DLGAP2: variants seen among roughly 807,000 people sequenced by gnomAD.
DLGAP2 encodes the protein disks large-associated protein 2.
A neutral mutation model predicts 100.3 loss-of-function variants in DLGAP2; 26 were observed. That is an observed-to-expected ratio of 0.26 (90% confidence interval 0.19 to 0.36). The LOEUF (loss-of-function observed/expected upper bound fraction) is 0.36, where lower values mean the gene tolerates loss of function less well. DLGAP2 is among the 10% of genes least tolerant of loss of function. The probability of loss-of-function intolerance (pLI) is 1.00; values close to 1 mark genes in which losing one functional copy is unlikely to be tolerated. For missense variants in DLGAP2, 1,858 were observed against 1,453.2 expected, an observed-to-expected ratio of 1.28 and a Z score of -4.53; for synonymous variants, 886 against 630.1, an observed-to-expected ratio of 1.41 and a Z score of -6.08.
intron 3 of DLGAP2, among the ~76,000 whole-genome samples, chr8:1,349,696 A>G (rs1801662531): frequency 3.4e-5 from 5 of 145,210 alleles, no homozygotes. Context: ...TCCTGCCCAC[A>G]TCCACGCATG....
chr8:781,998 G>T (rs987137045), intron 1 of DLGAP2, among the ~76,000 whole-genome samples: 2 of 152,108 alleles, frequency 1.3e-5, no homozygotes, highest in Non-Finnish European at 2.9e-5. Context: ...AGAAAACCTG[G>T]TGTTCAATCA....
At chr8:1,293,561 G>A (rs933178449) in intron 3 of DLGAP2, among the ~76,000 whole-genome samples, 2 of 152,026 alleles carry the variant, frequency 1.3e-5, no homozygotes, top group Non-Finnish European at 2.9e-5. Flanking sequence ...AATAACCTAC[G>A]TATTTCTTCA....
intron 6 of DLGAP2, among the ~76,000 whole-genome samples, chr8:1,607,732 C>T (rs1043782623): frequency 8.3e-3 from 1,124 of 134,978 alleles, no homozygotes; most frequent in Non-Finnish European, 9.1e-3. Context: ...ACCTGGGAAG[C>T]GCAAGGGGTC....
rs554002204 is a variant in DLGAP2 at position 865,507 on chromosome 8, G to T, written c.19-42405G>T. 3.6e-4 allele frequency among the ~76,000 whole-genome samples: 55 copies of T among 152,286 alleles called. 1 individual carries two copies. The South Asian group carries it at 0.011, about 30-fold the overall frequency. ...AGATTCTGTGATGTTCCCCGGGGCT[G>T]AGTTTACTTTGTGAGCCATTGTGTG... On this transcript the variant is annotated intron_variant, in intron 1 of 14. Coordinates refer to ENST00000637795, the MANE Select transcript of DLGAP2 (RefSeq NM_001346810.2).
intron 2 of DLGAP2, among the ~76,000 whole-genome samples, chr8:1,110,431 G>T (rs1386307162): frequency 6.7e-6 from 1 of 150,104 alleles, no homozygotes; most frequent in Admixed American, 6.6e-5. Context: ...GGTGTGCATG[G>T]GTCTGTGACA....
At chr8:1,022,781 C>A (rs914647389) in intron 2 of DLGAP2, among the ~76,000 whole-genome samples, 1 of 151,760 alleles carries the variant, frequency 6.6e-6, no homozygotes, top group Non-Finnish European at 1.5e-5. Context: ...AGTCCCATGC[C>A]GAGGTAGACA....
chr8:1,515,541 G>T (rs919423191), intron 4 of DLGAP2, among the ~76,000 whole-genome samples: 1 of 151,880 alleles, frequency 6.6e-6, no homozygotes, highest in Non-Finnish European at 1.5e-5. Flanking sequence ...CACACATGCA[G>T]ATGCACACAA....
intron 2 of DLGAP2, among the ~76,000 whole-genome samples, chr8:1,206,002 A>G (rs1422051415): frequency 6.6e-6 from 1 of 152,160 alleles, no homozygotes; most frequent in Non-Finnish European, 1.5e-5. Flanking sequence ...AACAAAAGTG[A>G]AGAGTGACCT....
intron 2 of DLGAP2, among the ~76,000 whole-genome samples, chr8:1,184,582 T>A (rs979516096): frequency 3.3e-5 from 5 of 152,142 alleles, no homozygotes; most frequent in Non-Finnish European, 7.4e-5. Flanking sequence ...TCGACCTGCA[T>A]CTTAAACTAG....
intron 2 of DLGAP2, among the ~76,000 whole-genome samples, chr8:932,257 G>C (rs1163797177): frequency 2.0e-5 from 3 of 152,174 alleles, no homozygotes; most frequent in Non-Finnish European, 4.4e-5. Context: ...TTCTGAAATA[G>C]AAAAGGGTGA....
intron 3 of DLGAP2, among the ~76,000 whole-genome samples, chr8:1,419,441 CGTGTGT>C (rs71190735): frequency 0.032 from 1,678 of 52,906 alleles, 122 homozygotes; most frequent in African/African-American, 0.12. Flanking sequence ...CACTCTGATA[CGTGTGT>C]GTGTGTGTGT....
chr8:754,601 C>T (rs1209551123), intron 1 of DLGAP2, among the ~76,000 whole-genome samples: 10 of 152,168 alleles, frequency 6.6e-5, no homozygotes, highest in Non-Finnish European at 1.5e-5. Context: ...CACCTGCAAT[C>T]CCAGTGCTCT....
chr8:1,007,201 C>T (rs1030951733), intron 2 of DLGAP2, among the ~76,000 whole-genome samples: 45 of 152,266 alleles, frequency 3.0e-4, no homozygotes, highest in African/African-American at 9.6e-4. Context: ...ATGTCGGGGA[C>T]ACCGTGCATC....
Position 1,669,785 on chromosome 8 carries a change from G to GT in DLGAP2, c.2202+2dup. ...GCATCAGCCATACCCAAGGTCAGAT[G>GT]TAAGTACCGAAATGTGCTCCAAAGC... is the stretch of plus-strand genomic sequence containing the variant. On this transcript the variant is annotated splice_donor_variant, in intron 10 of 14. Transcript: ENST00000637795. LOFTEE classifies it high-confidence loss of function. The GT allele has an allele frequency of 1.3e-6, 1 of 780,926 alleles. No individual in the cohort carries two copies. 48.4% of individuals were successfully genotyped at this position (780,926 alleles called of 1,614,324 possible). A position where few individuals can be genotyped will look rare whatever the true frequency, so the allele number is the denominator to read the frequency against.
chr8:1,376,155 CAAAT>C (rs1311868066), intron 3 of DLGAP2, among the ~76,000 whole-genome samples: 5 of 151,566 alleles, frequency 3.3e-5, no homozygotes, highest in Middle Eastern at 3.2e-3. Context: ...GGCTGTTTCT[CAAAT>C]AAGACAAACA....
intron 1 of DLGAP2, among the ~76,000 whole-genome samples, chr8:802,461 T>TG (rs1214747387): frequency 1.3e-5 from 2 of 152,172 alleles, no homozygotes; most frequent in Admixed American, 6.5e-5. Context: ...GGTCCCGCAT[T>TG]GGGGTCGTGT....
At chr8:927,349 C>G in intron 2 of DLGAP2, 1 of 658,196 alleles carries the variant, frequency 1.5e-6, no homozygotes, top group Non-Finnish European at 1.9e-6. Flanking sequence ...ATGACCGTGA[C>G]TGTAGCACTT....
intron 3 of DLGAP2, among the ~76,000 whole-genome samples, chr8:1,432,257 C>A (rs928928229): frequency 1.3e-5 from 2 of 152,198 alleles, no homozygotes; most frequent in African/African-American, 2.4e-5. Flanking sequence ...TTTAAAAATT[C>A]TTTATTGATT....
At chr8:811,042 C>T (rs945179570) in intron 1 of DLGAP2, among the ~76,000 whole-genome samples, 1 of 152,214 alleles carries the variant, frequency 6.6e-6, no homozygotes, top group Non-Finnish European at 1.5e-5. Context: ...ATCTCCCGGA[C>T]TTTCCTCTTC....
Sources: gnomAD v4.1 joint callset for allele counts (sites outside exome capture counted in the v4.1 genomes callset) on GRCh38, gnomAD v4.1.1 for gene constraint, MANE v1.5 for transcripts, NCBI Gene and HGNC (gene_info 2026-07-23, HGNC 2026-07-21) for gene names.